The following TTC28 variants were observed in gnomAD, a reference collection of about 807,000 sequenced individuals.
TTC28 encodes tetratricopeptide repeat domain 28.
TTC28 carries 61 observed loss-of-function variants against 198.0 expected under a neutral mutation model. The ratio of observed to expected loss-of-function variants is 0.31; its 90% CI spans 0.25 to 0.38. TTC28 has a LOEUF of 0.38. Ranked by LOEUF, TTC28 falls within the 10% of genes least tolerant of loss-of-function variation. The pLI, the probability that TTC28 is intolerant of heterozygous loss-of-function variation, is 1.00. For synonymous variants in TTC28, 1,171 were observed against 1,297.8 expected (o/e 0.90, Z 2.10); for missense variants, 2,678 against 3,164.0 (o/e 0.85, Z 3.69).
chr22:28,263,514 C>A (rs1483323243), intron 5 of TTC28, among the ~76,000 whole-genome samples: 6 of 152,096 alleles, frequency 3.9e-5, no homozygotes, highest in Admixed American at 2.0e-4. Context: ...TGAATGAAGA[C>A]AATTTACTAC....
intron 2 of TTC28, among the ~76,000 whole-genome samples, chr22:28,543,749 G>A (rs971946666): frequency 1.3e-5 from 2 of 152,160 alleles, no homozygotes; most frequent in Non-Finnish European, 2.9e-5. Context: ...AAACTCCTTT[G>A]ATAATGTAGC....
chr22:28,251,850 T>C (rs895766799), intron 5 of TTC28, among the ~76,000 whole-genome samples: 6 of 152,180 alleles, frequency 3.9e-5, no homozygotes, highest in Admixed American at 3.3e-4. Context: ...GTATTCCATA[T>C]TCCATGTGAT....
At chr22:28,437,084 CTTTTAA>C (rs1569323924) in intron 2 of TTC28, among the ~76,000 whole-genome samples, 1 of 151,832 alleles carries the variant, frequency 6.6e-6, no homozygotes, top group Non-Finnish European at 1.5e-5. Flanking sequence ...ATTTCTTATT[CTTTTAA>C]TTTTTTTTTT....
At chr22:28,168,526 C>CA (rs1569175899) in intron 5 of TTC28, among the ~76,000 whole-genome samples, 1 of 152,128 alleles carries the variant, frequency 6.6e-6, no homozygotes, top group Admixed American at 6.5e-5. Context: ...CGCATATCTA[C>CA]AACCATCTGA....
At chr22:28,496,771 TAGA>T (rs978105313) in intron 2 of TTC28, among the ~76,000 whole-genome samples, 6 of 152,056 alleles carry the variant, frequency 3.9e-5, no homozygotes, top group African/African-American at 7.2e-5. Flanking sequence ...CTCCTCCGCT[TAGA>T]AGATTATAAA....
At chr22:28,242,637 G>T (rs988087412) in intron 5 of TTC28, among the ~76,000 whole-genome samples, 1 of 152,116 alleles carries the variant, frequency 6.6e-6, no homozygotes, top group African/African-American at 2.4e-5. Context: ...AGGTTATTGG[G>T]TCAGTGTTTT....
chr22:28,218,385 G>A (rs1020560063), intron 5 of TTC28, among the ~76,000 whole-genome samples: 12 of 152,058 alleles, frequency 7.9e-5, no homozygotes, highest in Admixed American at 6.6e-4. Flanking sequence ...TCACAGTCAC[G>A]GTGGTAAATA....
intron 5 of TTC28, among the ~76,000 whole-genome samples, chr22:28,290,620 T>C (rs945857258): frequency 6.6e-6 from 1 of 152,096 alleles, no homozygotes; most frequent in Non-Finnish European, 1.5e-5. Context: ...TTTTAAAAAA[T>C]CACAATGAGG....
At chr22:28,159,994 A>T (rs1219333831) in intron 6 of TTC28, among the ~76,000 whole-genome samples, 1 of 152,206 alleles carries the variant, frequency 6.6e-6, no homozygotes, top group Non-Finnish European at 1.5e-5. Context: ...TATTTGTGGG[A>T]TCTAAAAATC....
chr22:28,399,176 T>C (rs955335067), intron 2 of TTC28, among the ~76,000 whole-genome samples: 2 of 152,154 alleles, frequency 1.3e-5, no homozygotes, highest in African/African-American at 4.8e-5. Context: ...TCTTAACTTC[T>C]GGGGATTGCT....
intron 5 of TTC28, among the ~76,000 whole-genome samples, chr22:28,273,192 A>G (rs1932200777): frequency 6.6e-6 from 1 of 152,222 alleles, no homozygotes; most frequent in South Asian, 2.1e-4. Context: ...AGGAAATGTT[A>G]TCTAGAGGAA....
chr22:28,274,188 C>G (rs1292262481), intron 5 of TTC28, among the ~76,000 whole-genome samples: 1 of 152,172 alleles, frequency 6.6e-6, no homozygotes, highest in Non-Finnish European at 1.5e-5. Flanking sequence ...TAATGAGTTA[C>G]TGGTAACTCC....
At chr22:28,486,259 G>C (rs1332721082) in intron 2 of TTC28, among the ~76,000 whole-genome samples, 2 of 152,066 alleles carry the variant, frequency 1.3e-5, no homozygotes, top group Admixed American at 6.6e-5. Context: ...TGAAAAACAG[G>C]TATTTCCAGG....
chr22:28,060,300 A>C (rs1721785999), intron 12 of TTC28, among the ~76,000 whole-genome samples: 2 of 152,058 alleles, frequency 1.3e-5, no homozygotes, highest in African/African-American at 4.8e-5. Flanking sequence ...CCCTGTGTCC[A>C]AGTGTTCTCA....
chr22:28,206,484 A>G (rs1440054541), intron 5 of TTC28, among the ~76,000 whole-genome samples: 8 of 152,182 alleles, frequency 5.3e-5, no homozygotes, highest in Admixed American at 5.2e-4. Context: ...AAGTGTCCAG[A>G]GCCAGTTCAA....
intron 6 of TTC28, among the ~76,000 whole-genome samples, chr22:28,133,310 T>C (rs1037541715): frequency 1.3e-5 from 2 of 152,004 alleles, no homozygotes; most frequent in Non-Finnish European, 2.9e-5. Flanking sequence ...ACACAGAAGA[T>C]GGGTGATTTC....
At chr22:28,009,058 C>T (rs768903615) in intron 14 of TTC28, among the ~76,000 whole-genome samples, 17 of 152,216 alleles carry the variant, frequency 1.1e-4, no homozygotes, top group Non-Finnish European at 2.4e-4. Context: ...GACATTTTCT[C>T]CTTTGGGGAC....
intron 6 of TTC28, among the ~76,000 whole-genome samples, chr22:28,158,244 T>G (rs1392222160): frequency 6.6e-6 from 1 of 151,982 alleles, no homozygotes; most frequent in Admixed American, 6.6e-5. Flanking sequence ...AAAACACTCA[T>G]GAAAGAAACT....
chr22:28,326,247 T>C (rs1367431934), intron 2 of TTC28, among the ~76,000 whole-genome samples: 1 of 152,136 alleles, frequency 6.6e-6, no homozygotes, highest in Middle Eastern at 3.2e-3. Flanking sequence ...TATAATTCCA[T>C]TTATATGACA....
Sources: allele counts gnomAD v4.1 joint callset (sites outside exome capture counted in the v4.1 genomes callset), GRCh38; gene constraint gnomAD v4.1.1; transcripts MANE v1.5; gene names NCBI Gene and HGNC (gene_info 2026-07-23, HGNC 2026-07-21).